CMYA5: variants seen among roughly 807,000 people sequenced by gnomAD.
CMYA5 encodes cardiomyopathy associated 5, also known as cardiomyopathy-associated protein 5.
In CMYA5, 246 loss-of-function variants were observed where a neutral mutation model predicts 318.9. The observed-to-expected ratio is 0.77, with a 90% CI of 0.70 to 0.86. The LOEUF (loss-of-function observed/expected upper bound fraction) is 0.86, where lower values mean the gene tolerates loss of function less well. Among genes scored for constraint, CMYA5 ranks in the 40% least tolerant of loss-of-function variants. CMYA5 has a pLI of 0.00. For missense variants in CMYA5, 4,589 were observed against 4,678.2 expected, an observed-to-expected ratio of 0.98 and a Z score of 0.56; for synonymous variants, 1,641 against 1,729.5, an observed-to-expected ratio of 0.95 and a Z score of 1.27.
At chr5:79,739,434 A>AAT (rs1159761371) in intron 2 of CMYA5, 31 bp downstream of exon 2, 54 of 1,392,136 alleles carry the variant, frequency 3.9e-5, no homozygotes, top group African/African-American at 1.6e-4. Context: ...CATAATTAAT[A>AAT]ATATATATAT....
intron 1 of CMYA5, among the ~76,000 whole-genome samples, chr5:79,728,447 T>C (rs529485577): frequency 3.8e-4 from 58 of 150,844 alleles, no homozygotes; most frequent in Non-Finnish European, 6.9e-4. Flanking sequence ...TGGGGGAAAA[T>C]GAGGTACCTG....
Position 79,733,874 on chromosome 5 carries a change from G to A in CMYA5, c.5109G>A (p.Leu1703=). ...TMPAISELSS[L]LREESQNEEI... ...CTGCAATTTCAGAGCTTTCATCATT[G>A]CTTAGGGAGGAATCTCAGAATGAAG... The change falls in exon 2 of 13, where the codon TTG becomes TTA. Residue 1703 remains leucine, a synonymous_variant. Transcript: ENST00000446378. 1 of 1,613,478 alleles carries A rather than the reference G, an allele frequency of 6.2e-7. No homozygotes were observed. Among genetic ancestry groups the A allele is most frequent in the South Asian group, 1.1e-5 (1 of 91,060 alleles).
Position 79,737,725 on chromosome 5 carries a change from A to G in CMYA5, c.8960A>G (p.Lys2987Arg). The change falls in exon 2 of 13, where the codon AAA (lysine) becomes AGA (arginine). Residue 2987 changes from lysine (K) to arginine (R), a missense_variant. By Grantham distance (26) the Lys-to-Arg change is conservative (BLOSUM62 2). Coordinates refer to ENST00000446378, the MANE Select transcript of CMYA5 (RefSeq NM_153610.5). ...TATTTGGAAGAGAAAGCCTCATTTA[A>G]AACCATACCACTCCCTGATGATAGT... ...LEYLEEKASF[K>R]TIPLPDDSET... The G allele has an allele frequency of 6.2e-7, 1 of 1,612,606 alleles. No homozygotes were observed. Among genetic ancestry groups the G allele is most frequent in the Non-Finnish European group, 8.5e-7 (1 of 1,179,548 alleles).
intron 1 of CMYA5, among the ~76,000 whole-genome samples, chr5:79,705,511 A>G (rs1827253795): frequency 6.6e-6 from 1 of 152,044 alleles, no homozygotes; most frequent in Admixed American, 6.6e-5. Context: ...AATCACCACA[A>G]CATGCCTGCA....
chr5:79,793,027 C>CT (rs1488116099), intron 11 of CMYA5, among the ~76,000 whole-genome samples: 5 of 152,158 alleles, frequency 3.3e-5, no homozygotes, highest in African/African-American at 1.2e-4. Flanking sequence ...TTGGAGATTT[C>CT]TTTTTTTGCA....
At chr5:79,740,296 G>A (rs1026028504) in intron 2 of CMYA5, among the ~76,000 whole-genome samples, 1 of 152,196 alleles carries the variant, frequency 6.6e-6, no homozygotes, top group African/African-American at 2.4e-5. Flanking sequence ...TAGCAAGAGA[G>A]ACAACACAGG....
chr5:79,776,109 A>C (rs879835921), intron 9 of CMYA5, among the ~76,000 whole-genome samples: 6 of 152,118 alleles, frequency 3.9e-5, no homozygotes, highest in Non-Finnish European at 7.4e-5. Context: ...ACTAAGAGTG[A>C]TGTTAGTTCA....
intron 9 of CMYA5, among the ~76,000 whole-genome samples, chr5:79,777,635 C>T (rs942438513): frequency 9.9e-5 from 15 of 151,582 alleles, no homozygotes; most frequent in Non-Finnish European, 2.9e-5. Context: ...ATTAGCTGGG[C>T]GTGGTGGCAG....
At chr5:79,713,591 A>C (rs1033850032) in intron 1 of CMYA5, among the ~76,000 whole-genome samples, 1 of 152,066 alleles carries the variant, frequency 6.6e-6, no homozygotes, top group Non-Finnish European at 1.5e-5. Context: ...TATGTAATTG[A>C]ATAACAGCCC....
Position 79,734,683 on chromosome 5 carries a change from A to G in CMYA5, c.5918A>G (p.Glu1973Gly). Residue 1973 changes from glutamate to glycine, a missense_variant, in exon 2 of 13, where the codon GAG (glutamate) becomes GGG (glycine). Coordinates refer to ENST00000446378, the MANE Select transcript of CMYA5 (RefSeq NM_153610.5). ...CTTGATACTTCCAGTGGTAATACAGAGACCTTATCAAGTAAAAGTTACTCT... is the reference window on the plus strand; with the variant it reads ...CTTGATACTTCCAGTGGTAATACAGGGACCTTATCAAGTAAAAGTTACTCT... The part of the protein sequence containing the change: ...SALDTSSGNT[E>G]TLSSKSYSSE... 1.2e-6 allele frequency: 2 copies of G among 1,613,894 alleles called. No individual in the cohort carries two copies. The highest frequency in any genetic ancestry group is 1.7e-6 in the Non-Finnish European group (2 of 1,179,816).
At chr5:79,791,472 G>A (rs1173169672) in intron 11 of CMYA5, among the ~76,000 whole-genome samples, 1 of 152,122 alleles carries the variant, frequency 6.6e-6, no homozygotes, top group Non-Finnish European at 1.5e-5. Context: ...TGTAATCCCA[G>A]CACTTTGGGA....
At chr5:79,723,869 A>G (rs943349562) in intron 1 of CMYA5, among the ~76,000 whole-genome samples, 5 of 152,180 alleles carry the variant, frequency 3.3e-5, no homozygotes, top group African/African-American at 1.2e-4. Flanking sequence ...GCAAACAAGA[A>G]AATCTTGCAT....
rs765920978 is a variant in CMYA5 at position 79,730,998 on chromosome 5, G to A, written c.2233G>A (p.Ala745Thr). ...GGAAGACACTGGATCGTTTACTCCAGCTGTGGCCCCTGCTTCTGAGCCCTC... is the reference window on the plus strand; with the variant it reads ...GGAAGACACTGGATCGTTTACTCCAACTGTGGCCCCTGCTTCTGAGCCCTC... ...EKEDTGSFTP[A>T]VAPASEPSLS... The change falls in exon 2 of 13, where the codon GCT (alanine) becomes ACT (threonine). Residue 745 changes from alanine (A) to threonine (T), a missense_variant. Around this residue, in one of 3 missense-constraint regions of CMYA5, gnomAD observed 2,132 missense variants for 2,131.3 expected, o/e 1.00. Coordinates refer to ENST00000446378, the MANE Select transcript of CMYA5 (RefSeq NM_153610.5). The A allele has an allele frequency of 6.2e-7, 1 of 1,613,978 alleles. No homozygotes were observed. The highest frequency in any genetic ancestry group is 2.2e-5 in the East Asian group (1 of 44,890).
Position 79,730,269 on chromosome 5 carries a change from G to A in CMYA5, c.1504G>A (p.Glu502Lys), listed in dbSNP as rs774041683. The change falls in exon 2 of 13, where the codon GAA becomes AAA. Residue 502 changes from glutamate (E) to lysine (K), a missense_variant. This residue lies in a region of CMYA5 where 2,132 missense variants were observed against 2,131.3 expected (regional missense o/e 1.00). Transcript: ENST00000446378. ...TTCTCTTTCTGAACCTCTAATGTTA[G>A]AAGAACCAGAGAAAGAAGAAATAGA... ...SISLSEPLML[E>K]EPEKEEIETS... The A allele has an allele frequency of 2.9e-5, 47 of 1,613,922 alleles. No individual in the cohort carries two copies. The highest frequency in any genetic ancestry group is 4.0e-5 in the Non-Finnish European group (47 of 1,179,848).
rs1032268118 is a variant in CMYA5, at chr5:79,753,622, C to T, written c.11110+828C>T. On this transcript the variant is annotated intron_variant, in intron 6 of 12. Transcript: ENST00000446378. ...AACAACAACAAAAAACCCCAAAAAA[C>T]AAAAACAAAAAAGATGGCTGTTGTG... Among the ~76,000 whole-genome samples the T allele has an allele frequency of 1.2e-4, 18 of 151,916 alleles. 1 individual carries two copies. The highest frequency in any genetic ancestry group is 7.2e-4 in the Admixed American group (11 of 15,238).
chr5:79,757,683 A>G (rs1186744587), intron 6 of CMYA5, among the ~76,000 whole-genome samples: 5 of 152,220 alleles, frequency 3.3e-5, no homozygotes, highest in Admixed American at 1.3e-4. Flanking sequence ...TATAGAATCT[A>G]TATTGATACA....
intron 8 of CMYA5, 21 bp from the exon 9 acceptor site, chr5:79,763,041 G>A (rs1425837199): frequency 6.2e-7 from 1 of 1,606,612 alleles, no homozygotes; most frequent in Non-Finnish European, 8.5e-7. Context: ...CTCCACGACT[G>A]TCCTGACTCT....
chr5:79,799,439 C>A lies in CMYA5; in HGVS notation c.12033C>A (p.Ile4011=), dbSNP rs1184582828. ...HVTERPARVG[I]LLDYNNQRLI... ...CTGAGCGTCCAGCCAGAGTGGGCAT[C>A]CTGCTGGACTACAACAACCAGAGAC... is the stretch of plus-strand genomic sequence containing the variant. Residue 4011 remains isoleucine, a synonymous_variant, in exon 13 of 13, where the codon ATC becomes ATA. Transcript: ENST00000446378. 3 of 1,613,952 alleles carry A rather than the reference C, an allele frequency of 1.9e-6. No homozygotes were observed. The highest frequency in any genetic ancestry group is 4.5e-5 in the East Asian group (2 of 44,884).
intron 6 of CMYA5, among the ~76,000 whole-genome samples, chr5:79,757,802 G>T (rs185716776): frequency 2.0e-5 from 3 of 152,182 alleles, no homozygotes; most frequent in Non-Finnish European, 4.4e-5. Context: ...CCAACTATAG[G>T]ACTGTAGAAG....
Sources: allele counts gnomAD v4.1 joint callset (sites outside exome capture counted in the v4.1 genomes callset), GRCh38; gene constraint gnomAD v4.1.1; regional missense constraint gnomAD v4.1.1; transcripts MANE v1.5; gene names NCBI Gene and HGNC (gene_info 2026-07-23, HGNC 2026-07-21).